Variants in DLG2 observed in about 807,000 individuals in gnomAD.
The protein encoded by DLG2 is disks large homolog 2.
A neutral mutation model predicts 132.5 loss-of-function variants in DLG2; 45 were observed. That is an observed-to-expected ratio of 0.34 (90% CI 0.27 to 0.44). The LOEUF is 0.44. DLG2 is among the 20% of genes least tolerant of loss of function. The pLI, the probability that DLG2 is intolerant of heterozygous loss-of-function variation, is 1.00. For synonymous variants in DLG2, 424 were observed against 419.6 expected, an observed-to-expected ratio of 1.01 and a Z score of -0.13; for missense variants, 1,045 against 1,196.9, an observed-to-expected ratio of 0.87 and a Z score of 1.87.
At chr11:84,636,748 T>A (rs1565518515) in intron 6 of DLG2, among the ~76,000 whole-genome samples, 1 of 151,576 alleles carries the variant, frequency 6.6e-6, no homozygotes, top group Non-Finnish European at 1.5e-5. Flanking sequence ...GAGAAAAAAG[T>A]TATAAACTTA....
rs190792557 is a variant in DLG2 at position 84,516,039 on chromosome 11, T to A, written c.519+18531A>T. 6.0e-5 allele frequency among the ~76,000 whole-genome samples: 9 copies of A among 151,216 alleles called. No individual in the cohort carries two copies. The East Asian group carries it at 1.5e-3, about 26-fold the overall frequency. ...AAATTAAAATATCTGTTGAGACAAA[T>A]GAAAATGAGAGCACAATATACAAAA... On this transcript the variant is annotated intron_variant, in intron 7 of 27. Coordinates refer to ENST00000376104, the MANE Select transcript of DLG2 (RefSeq NM_001142699.3).
chr11:84,272,324 G>C (rs2097735306), intron 7 of DLG2: 1 of 423,818 alleles, frequency 2.4e-6, no homozygotes, highest in African/African-American at 2.0e-5. Context: ...CATATCTCTT[G>C]AGTTTCTATG....
intron 4 of DLG2, among the ~76,000 whole-genome samples, chr11:85,267,626 C>G (rs566107104): frequency 6.6e-6 from 1 of 152,086 alleles, no homozygotes; most frequent in East Asian, 1.9e-4. Context: ...CTATCTGAAA[C>G]CATGTGGAAT....
At chr11:83,561,034 CA>C (rs1203374049) in intron 19 of DLG2, among the ~76,000 whole-genome samples, 1 of 152,186 alleles carries the variant, frequency 6.6e-6, no homozygotes, top group Non-Finnish European at 1.5e-5. Context: ...GAATGGGAAG[CA>C]GGCTCATCTT....
At chr11:84,792,832 G>A (rs1364667966) in intron 6 of DLG2, among the ~76,000 whole-genome samples, 3 of 151,800 alleles carry the variant, frequency 2.0e-5, no homozygotes, top group Non-Finnish European at 2.9e-5. Context: ...TCTGGATAAA[G>A]GTTTGTTAAT....
chr11:83,598,703 T>C (rs1040868569), intron 19 of DLG2, among the ~76,000 whole-genome samples: 2 of 152,246 alleles, frequency 1.3e-5, no homozygotes, highest in African/African-American at 2.4e-5. Flanking sequence ...TTGGGAGTCA[T>C]ATATTAAATG....
intron 3 of DLG2, among the ~76,000 whole-genome samples, chr11:85,313,538 A>G (rs577125413): frequency 6.6e-6 from 1 of 152,182 alleles, no homozygotes; most frequent in African/African-American, 2.4e-5. Context: ...ACAATAATGT[A>G]ACATAGTCTA....
chr11:83,705,469 C>T lies in DLG2; in HGVS notation c.1826-72144G>A, dbSNP rs536021490. Among the ~76,000 whole-genome samples the T allele has an allele frequency of 9.1e-4, 138 of 152,012 alleles. 1 individual carries two copies. Among genetic ancestry groups the T allele is most frequent in the South Asian group, 8.9e-3 (43 of 4,810 alleles). On this transcript the variant is annotated intron_variant, in intron 18 of 27. Transcript: ENST00000376104. ...CATCATTATTAAATACTTGCCTCAC[C>T]TCCAGAATAATATACTAGATATAAT... is the stretch of plus-strand genomic sequence containing the variant.
chr11:84,029,239 G>A (rs2095624472), intron 11 of DLG2, among the ~76,000 whole-genome samples: 1 of 152,008 alleles, frequency 6.6e-6, no homozygotes, highest in South Asian at 2.1e-4. Context: ...TCAAAACACT[G>A]ACCACCAATA....
At chr11:84,780,639 A>G (rs962691036) in intron 6 of DLG2, among the ~76,000 whole-genome samples, 2 of 152,076 alleles carry the variant, frequency 1.3e-5, no homozygotes, top group South Asian at 4.2e-4. Context: ...GTCATTTGTT[A>G]TTGTTGTTGT....
chr11:83,703,415 C>T (rs566349831), intron 18 of DLG2, among the ~76,000 whole-genome samples: 7 of 152,168 alleles, frequency 4.6e-5, no homozygotes, highest in South Asian at 2.1e-4. Flanking sequence ...TTTGGGAGGT[C>T]GAGGCAGGTG....
intron 7 of DLG2, among the ~76,000 whole-genome samples, chr11:84,353,340 G>T (rs2098592826): frequency 1.3e-5 from 2 of 152,034 alleles, no homozygotes; most frequent in African/African-American, 4.8e-5. Flanking sequence ...ACCTAAACTT[G>T]GACTCTTCCT....
intron 3 of DLG2, among the ~76,000 whole-genome samples, chr11:85,492,153 T>C (rs1211344141): frequency 3.1e-4 from 47 of 152,168 alleles, no homozygotes; most frequent in Admixed American, 2.6e-3. Context: ...TGAAGTAATA[T>C]ACATGTTAAT....
chr11:84,986,248 C>T (rs186113839), intron 6 of DLG2, among the ~76,000 whole-genome samples: 145 of 152,044 alleles, frequency 9.5e-4, no homozygotes, highest in African/African-American at 3.3e-3. Context: ...TAGCTTAAAT[C>T]GGGAAGAACT....
chr11:84,686,238 T>C (rs767183101), intron 6 of DLG2, among the ~76,000 whole-genome samples: 5 of 152,146 alleles, frequency 3.3e-5, no homozygotes, highest in Admixed American at 6.5e-5. Context: ...CAGTTCTCCA[T>C]AAGAGGCTGT....
chr11:83,579,745 C>T lies in DLG2; in HGVS notation c.1941-37887G>A, dbSNP rs973584394. 5.9e-5 allele frequency among the ~76,000 whole-genome samples: 9 copies of T among 151,812 alleles called. 1 individual carries two copies. The highest frequency in any genetic ancestry group is 3.9e-4 in the East Asian group (2 of 5,166). ...CAGCACTTTGGGAGGCTGAGGCAGG[C>T]GGATCATGAGGTCAGGAGATCGAGA... is the stretch of plus-strand genomic sequence containing the variant. On this transcript the variant is annotated intron_variant, in intron 19 of 27. Coordinates refer to ENST00000376104, the MANE Select transcript of DLG2 (RefSeq NM_001142699.3).
intron 6 of DLG2, among the ~76,000 whole-genome samples, chr11:85,053,860 G>A (rs1361553666): frequency 6.9e-6 from 1 of 144,818 alleles, no homozygotes; most frequent in African/African-American, 2.6e-5. Flanking sequence ...CTAAAGTGTA[G>A]AACTTAGAGA....
chr11:83,736,016 C>T (rs763275008), intron 18 of DLG2, among the ~76,000 whole-genome samples: 7 of 152,132 alleles, frequency 4.6e-5, no homozygotes, highest in East Asian at 1.9e-4. Flanking sequence ...GCTTTAGTTG[C>T]GATTAGATTG....
At chr11:84,944,066 G>A (rs189975220) in intron 6 of DLG2, among the ~76,000 whole-genome samples, 52 of 152,252 alleles carry the variant, frequency 3.4e-4, no homozygotes, top group African/African-American at 1.3e-3. Flanking sequence ...CTCCCAGCCT[G>A]TAAAGATTCT....
Sources: allele counts gnomAD v4.1 joint callset (sites outside exome capture counted in the v4.1 genomes callset), GRCh38; gene constraint gnomAD v4.1.1; transcripts MANE v1.5; gene names NCBI Gene and HGNC (gene_info 2026-07-23, HGNC 2026-07-21).